Variants in PLCB4 observed in about 807,000 individuals in gnomAD.
The protein encoded by PLCB4 is 1-phosphatidylinositol 4,5-bisphosphate phosphodiesterase beta-4.
In PLCB4, 77 loss-of-function variants were observed where a neutral mutation model predicts 178.8. That is an observed-to-expected ratio of 0.43 (90% CI 0.36 to 0.52). The LOEUF is 0.52. Ranked by LOEUF, PLCB4 falls within the 20% of genes least tolerant of loss-of-function variation. PLCB4 has a pLI of 0.00. For synonymous variants in PLCB4, 496 were observed against 490.8 expected, an observed-to-expected ratio of 1.01 and a Z score of -0.14; for missense variants, 1,024 against 1,453.4, an observed-to-expected ratio of 0.70 and a Z score of 4.80.
intron 1 of PLCB4, among the ~76,000 whole-genome samples, chr20:9,071,423 A>C (rs2089567231): frequency 6.6e-6 from 1 of 152,158 alleles, no homozygotes; most frequent in East Asian, 1.9e-4. Flanking sequence ...ATTCATCTTT[A>C]CCTCACCCTC....
intron 3 of PLCB4, among the ~76,000 whole-genome samples, chr20:9,264,097 AT>A (rs1197137254): frequency 6.6e-6 from 1 of 152,194 alleles, no homozygotes; most frequent in Non-Finnish European, 1.5e-5. Flanking sequence ...ATAATTCTGT[AT>A]TAAGTCTATT....
At chr20:9,423,983 T>C (rs992061366) in intron 28 of PLCB4, 31 bp downstream of exon 28, 4 of 1,299,156 alleles carry the variant, frequency 3.1e-6, no homozygotes, top group Non-Finnish European at 3.3e-6. Flanking sequence ...CGGAATATGA[T>C]ATAGATGAGG....
At chr20:9,418,539 T>C (rs2040409919) in intron 25 of PLCB4, among the ~76,000 whole-genome samples, 1 of 152,142 alleles carries the variant, frequency 6.6e-6, no homozygotes, top group African/African-American at 2.4e-5. Flanking sequence ...TTTCTTTATG[T>C]CAGTACCAGA....
At chr20:9,378,250 A>G (rs954345741) in intron 12 of PLCB4, among the ~76,000 whole-genome samples, 3 of 152,152 alleles carry the variant, frequency 2.0e-5, no homozygotes, top group Non-Finnish European at 2.9e-5. Flanking sequence ...ACCAACAAAC[A>G]TATTTTTAAA....
In PLCB4 at chr20:9,280,581, G is replaced by A. The variant is rs2094486267; in HGVS notation, c.-15-27219G>A. 8.6e-6 allele frequency: 3 copies of A among 347,418 alleles called. No homozygotes were observed. The Admixed American group carries it at 1.9e-4, about 23-fold the overall frequency. 21.5% of individuals were successfully genotyped at this position (347,418 alleles called of 1,614,324 possible). A position where few individuals can be genotyped will look rare whatever the true frequency, so the allele number is the denominator to read the frequency against. On this transcript the variant is annotated intron_variant, in intron 3 of 39. Coordinates refer to ENST00000378473, the MANE Select transcript of PLCB4 (RefSeq NM_001377142.1). ...GAAGAAAAATGGCAAGAAAACTGAT[G>A]CCTGCCTTGCTTGGATTTTTAGTGT...
chr20:9,361,610 C>G (rs2035338468), intron 7 of PLCB4, among the ~76,000 whole-genome samples: 1 of 152,102 alleles, frequency 6.6e-6, no homozygotes, highest in Admixed American at 6.5e-5. Context: ...CTGAATTTTT[C>G]ATTTAAAAAT....
rs187162625 is a variant in PLCB4 at position 9,083,054 on chromosome 20, G to A, written c.-134-13233G>A. On this transcript the variant is annotated intron_variant, in intron 1 of 39. Coordinates refer to ENST00000378473, the MANE Select transcript of PLCB4 (RefSeq NM_001377142.1). Reference sequence around the variant, plus strand: ...GGAATCCACTCCTTAATTAAGAGCAGCAGATGCCTTCTGAAAACCTTCTGG... The same window carrying A: ...GGAATCCACTCCTTAATTAAGAGCAACAGATGCCTTCTGAAAACCTTCTGG... 2.5e-3 allele frequency among the ~76,000 whole-genome samples: 376 copies of A among 152,300 alleles called. 3 individuals are homozygous for A. Among genetic ancestry groups the A allele is most frequent in the Non-Finnish European group, 3.8e-3 (261 of 68,018 alleles).
intron 3 of PLCB4, among the ~76,000 whole-genome samples, chr20:9,297,324 T>A (rs1175347211): frequency 2.0e-5 from 3 of 151,882 alleles, no homozygotes; most frequent in Non-Finnish European, 4.4e-5. Context: ...GCTATGAAGA[T>A]GCAAAGGGAT....
intron 3 of PLCB4, among the ~76,000 whole-genome samples, chr20:9,272,025 A>G (rs2094408304): frequency 1.3e-5 from 2 of 151,800 alleles, no homozygotes; most frequent in African/African-American, 4.8e-5. Flanking sequence ...CAAAAAAAAA[A>G]AATTGGCTGG....
intron 7 of PLCB4, among the ~76,000 whole-genome samples, chr20:9,343,971 C>T (rs1292661974): frequency 6.6e-6 from 1 of 152,212 alleles, no homozygotes; most frequent in Admixed American, 6.5e-5. Context: ...CATTTCTTCC[C>T]TATTGTGCCC....
intron 4 of PLCB4, among the ~76,000 whole-genome samples, chr20:9,325,898 A>G (rs2030452297): frequency 6.6e-6 from 1 of 152,170 alleles, no homozygotes; most frequent in Non-Finnish European, 1.5e-5. Context: ...TAAACAACAC[A>G]TTTATCCCTC....
At chr20:9,244,564 C>T (rs1398557215) in intron 3 of PLCB4, among the ~76,000 whole-genome samples, 2 of 152,144 alleles carry the variant, frequency 1.3e-5, no homozygotes, top group African/African-American at 2.4e-5. Context: ...TTTCTGTCTA[C>T]GTGTGATTGA....
At chr20:9,419,655 G>A (rs901255338) in intron 25 of PLCB4, 152 bp from the exon 26 acceptor site, 3 of 625,354 alleles carry the variant, frequency 4.8e-6, no homozygotes, top group Non-Finnish European at 5.8e-6. Context: ...GCATAAGGGC[G>A]GGCACATTCT....
intron 7 of PLCB4, among the ~76,000 whole-genome samples, chr20:9,354,898 A>G (rs2034658095): frequency 6.6e-6 from 1 of 152,198 alleles, no homozygotes; most frequent in Non-Finnish European, 1.5e-5. Context: ...ACACCTGCCC[A>G]AACCAAATTT....
intron 9 of PLCB4, among the ~76,000 whole-genome samples, chr20:9,370,282 T>C (rs901615084): frequency 6.6e-6 from 1 of 152,152 alleles, no homozygotes; most frequent in Non-Finnish European, 1.5e-5. Flanking sequence ...GGATAATTGT[T>C]CCCCTTCCCC....
In PLCB4 at chr20:9,185,648, C is replaced by T. The variant is rs113202227; in HGVS notation, c.-78-31742C>T. Among the ~76,000 whole-genome samples, 162 of 152,278 alleles carry T rather than the reference C, an allele frequency of 1.1e-3. 1 individual carries two copies. The highest frequency in any genetic ancestry group is 1.6e-3 in the Non-Finnish European group (110 of 68,032). On this transcript the variant is annotated intron_variant, in intron 2 of 39. Transcript: ENST00000378473. ...TGCTCAGAGCCCTCCAAGGGGTCCTCATCTGACTCCGAGTAAAAGCCAGAG... is the reference window on the plus strand; with the variant it reads ...TGCTCAGAGCCCTCCAAGGGGTCCTTATCTGACTCCGAGTAAAAGCCAGAG...
At chr20:9,270,720 A>G (rs188699657) in intron 3 of PLCB4, among the ~76,000 whole-genome samples, 1 of 152,276 alleles carries the variant, frequency 6.6e-6, no homozygotes, top group African/African-American at 2.4e-5. Flanking sequence ...GGGTAGGATC[A>G]AGAAAATTAG....
At chr20:9,104,246 T>A (rs2146649352) in intron 2 of PLCB4, among the ~76,000 whole-genome samples, 1 of 152,272 alleles carries the variant, frequency 6.6e-6, no homozygotes, top group Non-Finnish European at 1.5e-5. Context: ...CTCAATGGAC[T>A]GCTTGGTCTT....
At chr20:9,125,593 A>T (rs1236916006) in intron 2 of PLCB4, among the ~76,000 whole-genome samples, 9 of 152,210 alleles carry the variant, frequency 5.9e-5, no homozygotes, top group Non-Finnish European at 1.2e-4. Context: ...GAATGCACAC[A>T]TGCATATATG....
Sources: allele counts gnomAD v4.1 joint callset (sites outside exome capture counted in the v4.1 genomes callset), GRCh38; gene constraint gnomAD v4.1.1; transcripts MANE v1.5; gene names NCBI Gene and HGNC (gene_info 2026-07-23, HGNC 2026-07-21).